The following ULK4 variants were observed in gnomAD, a reference collection of about 807,000 sequenced individuals.
ULK4 encodes the protein inactive serine/threonine-protein kinase ULK4.
Under a neutral mutation model 160.6 loss-of-function variants are expected in ULK4, and 133 were observed. The ratio of observed to expected loss-of-function variants is 0.83; its 90% CI spans 0.72 to 0.96. The LOEUF is 0.96. ULK4 is among the 40% of genes least tolerant of loss of function. ULK4 has a pLI of 0.00. For missense variants in ULK4, 1,580 were observed against 1,499.5 expected (o/e 1.05, Z -0.89); for synonymous variants, 534 against 539.8 (o/e 0.99, Z 0.15).
rs1698327068 is a variant in ULK4 at position 41,900,843 on chromosome 3, A to G, written c.1183-14T>C. 6.2e-7 allele frequency: 1 copy of G among 1,600,932 alleles called. No homozygotes were observed. Among genetic ancestry groups the G allele is most frequent in the African/African-American group, 1.3e-5 (1 of 74,590 alleles). Reference sequence around the variant, plus strand: ...TCCACTTGTAATCTGAAATGAGAACAAAAATTAGACTTTGTTTCTGCGACT... The same window carrying G: ...TCCACTTGTAATCTGAAATGAGAACGAAAATTAGACTTTGTTTCTGCGACT... On this transcript the variant is annotated splice_polypyrimidine_tract_variant and intron_variant, in intron 12 of 36. Transcript: ENST00000301831.
In ULK4 at chr3:41,765,367, T is replaced by G. The variant is rs371527400; in HGVS notation, c.2194-10879A>C. The stretch of plus-strand genomic sequence containing the variant: ...GGTGGGAACTGAACAATGAGAACAC[T>G]TGGACACAGGGTGGGGAACATCACA... On this transcript the variant is annotated intron_variant, in intron 21 of 36. Coordinates refer to ENST00000301831, the MANE Select transcript of ULK4 (RefSeq NM_017886.4). 3.4e-4 allele frequency among the ~76,000 whole-genome samples: 52 copies of G among 152,096 alleles called. No homozygotes were observed. In the East Asian group the frequency reaches 9.7e-3, roughly 28 times the overall value.
At chr3:41,526,593 C>A (rs2086124710) in intron 32 of ULK4, among the ~76,000 whole-genome samples, 1 of 152,210 alleles carries the variant, frequency 6.6e-6, no homozygotes. Flanking sequence ...GAGTTATCAC[C>A]ATAGGGACAT....
At chr3:41,435,376 A>G (rs1047349681) in intron 34 of ULK4, among the ~76,000 whole-genome samples, 69 of 152,210 alleles carry the variant, frequency 4.5e-4, no homozygotes, top group African/African-American at 1.7e-3. Flanking sequence ...TCCAATCAAC[A>G]TGAAAATAAA....
intron 21 of ULK4, among the ~76,000 whole-genome samples, chr3:41,763,242 G>A (rs1025607541): frequency 4.6e-5 from 7 of 151,828 alleles, no homozygotes; most frequent in Non-Finnish European, 7.4e-5. Flanking sequence ...AAAAATACAC[G>A]AATTAAATCT....
chr3:41,960,540 T>G (rs936200588), intron 1 of ULK4, among the ~76,000 whole-genome samples: 12 of 152,024 alleles, frequency 7.9e-5, no homozygotes, highest in African/African-American at 2.4e-5. Context: ...ATTTTTTGTG[T>G]TTTTGGTAGA....
intron 19 of ULK4, among the ~76,000 whole-genome samples, chr3:41,805,301 T>G (rs1191206398): frequency 0.027 from 3,527 of 131,328 alleles, no homozygotes; most frequent in Middle Eastern, 0.06. Context: ...TATTGGTGTA[T>G]AAGAATGCTT....
At chr3:41,274,210 T>C (rs1575382307) in intron 35 of ULK4, among the ~76,000 whole-genome samples, 1 of 152,278 alleles carries the variant, frequency 6.6e-6, no homozygotes, top group African/African-American at 2.4e-5. Context: ...TTCTGTATTT[T>C]TTTTCCTCTT....
At chr3:41,845,134 T>G (rs2042037531) in intron 17 of ULK4, among the ~76,000 whole-genome samples, 1 of 152,012 alleles carries the variant, frequency 6.6e-6, no homozygotes, top group Admixed American at 6.6e-5. Flanking sequence ...CCCGGCTAAT[T>G]TTTTGTATTT....
At chr3:41,369,070 G>A (rs551598707) in intron 35 of ULK4, among the ~76,000 whole-genome samples, 1 of 152,234 alleles carries the variant, frequency 6.6e-6, no homozygotes, top group African/African-American at 2.4e-5. Context: ...TGTATTAATT[G>A]GTGGTCAATG....
At chr3:41,387,738 G>T (rs926798036) in intron 35 of ULK4, among the ~76,000 whole-genome samples, 3 of 152,148 alleles carry the variant, frequency 2.0e-5, no homozygotes, top group African/African-American at 7.2e-5. Context: ...ATTCCATGGT[G>T]TATATGTGCC....
At chr3:41,450,536 A>C (rs554836060) in intron 34 of ULK4, among the ~76,000 whole-genome samples, 1 of 152,338 alleles carries the variant, frequency 6.6e-6, no homozygotes, top group East Asian at 1.9e-4. Context: ...TCATAGGACC[A>C]TATCTGGAAA....
intron 18 of ULK4, among the ~76,000 whole-genome samples, chr3:41,829,434 T>TCAAA (rs553687678): frequency 7.3e-6 from 1 of 137,560 alleles, no homozygotes; most frequent in Non-Finnish European, 1.6e-5. Flanking sequence ...TACAATGAAC[T>TCAAA]CAAATTTACA....
chr3:41,615,830 A>C (rs2032935713), intron 30 of ULK4, 113 bp from the exon 31 acceptor site: 1 of 918,144 alleles, frequency 1.1e-6, no homozygotes, highest in Non-Finnish European at 1.7e-6. Flanking sequence ...TTCCATGATA[A>C]GAAATAGTAT....
intron 32 of ULK4, among the ~76,000 whole-genome samples, chr3:41,547,109 C>T (rs1472100251): frequency 6.6e-6 from 1 of 152,096 alleles, no homozygotes; most frequent in Non-Finnish European, 1.5e-5. Flanking sequence ...ATATGCATAC[C>T]TTCTCAGGAG....
At chr3:41,370,681 G>A (rs971712692) in intron 35 of ULK4, among the ~76,000 whole-genome samples, 3 of 152,172 alleles carry the variant, frequency 2.0e-5, no homozygotes, top group Non-Finnish European at 4.4e-5. Context: ...GGAAATTCCC[G>A]CAGGTGCCTA....
intron 22 of ULK4, among the ~76,000 whole-genome samples, chr3:41,744,242 A>C (rs1332459250): frequency 6.6e-6 from 1 of 152,016 alleles, no homozygotes; most frequent in Non-Finnish European, 1.5e-5. Context: ...CAAACATACC[A>C]ATTAAAAGGC....
chr3:41,870,451 A>C (rs1697047528), intron 17 of ULK4, among the ~76,000 whole-genome samples: 1 of 152,128 alleles, frequency 6.6e-6, no homozygotes, highest in Non-Finnish European at 1.5e-5. Flanking sequence ...ACAGACCTAT[A>C]ATTCACTGAT....
At chr3:41,695,642 G>A (rs550033211) in intron 27 of ULK4, among the ~76,000 whole-genome samples, 3 of 152,270 alleles carry the variant, frequency 2.0e-5, no homozygotes, top group African/African-American at 7.2e-5. Context: ...GTGGTAGACT[G>A]AATGATGCCC....
chr3:41,398,153 T>A lies in ULK4; in HGVS notation c.3604A>T (p.Ile1202Phe), dbSNP rs1291577145. The part of the protein sequence containing the change: ...PDSLSPENVE[I>F]FAHLLTSKED... ...TTGGATGTCAGTAAATGAGCAAAAATTTCCACATTTTCAGGAGAGAGGCTG... is the reference window on the plus strand; with the variant it reads ...TTGGATGTCAGTAAATGAGCAAAAAATTCCACATTTTCAGGAGAGAGGCTG... Residue 1202 changes from isoleucine to phenylalanine, a missense_variant, in exon 35 of 37, where the codon ATT becomes TTT. Transcript: ENST00000301831. 1.9e-6 allele frequency: 3 copies of A among 1,613,410 alleles called. No individual in the cohort carries two copies. The highest frequency in any genetic ancestry group is 2.5e-6 in the Non-Finnish European group (3 of 1,179,646).
Sources: allele counts gnomAD v4.1 joint callset (sites outside exome capture counted in the v4.1 genomes callset), GRCh38; gene constraint gnomAD v4.1.1; transcripts MANE v1.5; gene names NCBI Gene and HGNC (gene_info 2026-07-23, HGNC 2026-07-21).